Variants in CDC42BPG observed in about 807,000 individuals in gnomAD.
CDC42BPG encodes CDC42 binding protein kinase gamma, also known as serine/threonine-protein kinase MRCK gamma.
A neutral mutation model predicts 192.2 loss-of-function variants in CDC42BPG; 157 were observed. That is an observed-to-expected ratio of 0.82 (90% confidence interval 0.72 to 0.93). The LOEUF (loss-of-function observed/expected upper bound fraction) is 0.93. Among genes scored for constraint, CDC42BPG ranks in the 40% least tolerant of loss-of-function variants. The pLI is 0.00. For missense variants in CDC42BPG, 1,992 were observed against 2,122.1 expected, an observed-to-expected ratio of 0.94 and a Z score of 1.20; for synonymous variants, 981 against 918.5, an observed-to-expected ratio of 1.07 and a Z score of -1.23.
Position 64,832,623 on chromosome 11 carries a change from G to A in CDC42BPG, c.2986C>T (p.Leu996=). 6.2e-7 allele frequency: 1 copy of A among 1,613,920 alleles called. No individual in the cohort carries two copies. Among genetic ancestry groups the A allele is most frequent in the Non-Finnish European group, 8.5e-7 (1 of 1,180,010 alleles). ...ACCTACCTCAGATCTAGGACCTGCA[G>A]GAGGGCCCCACTGGGCGGGCTGAGC... ...LRLSPPSGAL[L]QVLDLRDPQF... is the part of the protein sequence containing the mutation. The change falls in exon 26 of 37, where the codon CTG becomes TTG. Residue 996 remains leucine (L), a synonymous_variant. Coordinates refer to ENST00000342711, the MANE Select transcript of CDC42BPG (RefSeq NM_017525.3).
At chr11:64,836,570 C>G in intron 11 of CDC42BPG, 40 bp from the exon 12 acceptor site, 1 of 1,565,294 alleles carries the variant, frequency 6.4e-7, no homozygotes, top group Non-Finnish European at 8.8e-7. Context: ...TGCTGGCGGC[C>G]CCAGCCTCTC....
Position 64,844,594 on chromosome 11 carries a change from C to A in CDC42BPG, c.-25G>T. 1 of 1,247,936 alleles carries A rather than the reference C, an allele frequency of 8.0e-7. No individual in the cohort carries two copies. The highest frequency in any genetic ancestry group is 3.1e-5 in the South Asian group (1 of 32,390). The allele number at this position is 1,247,936 out of a possible 1,614,324, so 77.3% of individuals were successfully genotyped here. A position where few individuals can be genotyped will look rare whatever the true frequency, so the allele number is the denominator to read the frequency against. ...TGGCTGCGGCCGGAGCCTCGCTGCT[C>A]GGCTACAGTCTGGCCGCCCGCATGC... On this transcript the variant is annotated 5_prime_UTR_variant, in exon 1 of 37. Coordinates refer to ENST00000342711, the MANE Select transcript of CDC42BPG (RefSeq NM_017525.3).
intron 28 of CDC42BPG, 48 bp from the exon 29 acceptor site, chr11:64,830,304 A>AGTGG: frequency 6.7e-7 from 1 of 1,487,212 alleles, no homozygotes; most frequent in Non-Finnish European, 9.2e-7. Flanking sequence ...CCACTCAATG[A>AGTGG]CACGGAGATT....
At chr11:64,826,635 G>A (rs1277043746) in intron 35 of CDC42BPG, 36 bp downstream of exon 35, 1 of 1,587,250 alleles carries the variant, frequency 6.3e-7, no homozygotes, top group South Asian at 1.1e-5. Context: ...CTTGGGGTGG[G>A]GGGTGGCACA....
In CDC42BPG at chr11:64,844,442, C is replaced by A; in HGVS notation, c.128G>T (p.Arg43Leu). The A allele has an allele frequency of 1.4e-6, 2 of 1,470,870 alleles. No homozygotes were observed. Among genetic ancestry groups the A allele is most frequent in the Admixed American group, 2.3e-5 (1 of 43,616 alleles). The allele number at this position is 1,470,870 out of a possible 1,614,324, so 91.1% of individuals were successfully genotyped here. Residue 43 changes from arginine (R) to leucine (L), a missense_variant, in exon 1 of 37, where the codon CGG becomes CTG. Around this residue, in one of 2 missense-constraint regions of CDC42BPG, gnomAD observed 1,656 missense variants for 1,844.3 expected, o/e 0.90. Coordinates refer to ENST00000342711, the MANE Select transcript of CDC42BPG (RefSeq NM_017525.3). ...HHELSSGPLR[R>L]ERSVAQFLSW... ...CAGGAACTGCGCCACGCTGCGCTCC[C>A]GCCGTAGGGGGCCGCTGCTGAGCTC... is the stretch of plus-strand genomic sequence containing the variant.
chr11:64,825,882 A>G (rs942215356), intron 36 of CDC42BPG, among the ~76,000 whole-genome samples: 3 of 152,114 alleles, frequency 2.0e-5, no homozygotes, highest in Non-Finnish European at 4.4e-5. Context: ...CCTGGCCAAC[A>G]TAATGAAACC....
intron 24 of CDC42BPG, 63 bp from the exon 25 acceptor site, chr11:64,833,022 C>T (rs903950839): frequency 3.6e-5 from 53 of 1,479,016 alleles, no homozygotes; most frequent in East Asian, 2.0e-4. Flanking sequence ...CAAACCAGGA[C>T]GGGGGCATGT....
intron 17 of CDC42BPG, 30 bp downstream of exon 17, chr11:64,835,017 T>TTGGCCCCCCCCCC: frequency 2.5e-6 from 4 of 1,571,942 alleles, no homozygotes; most frequent in African/African-American, 1.3e-5. Flanking sequence ...TCGCCTGCGT[T>TTGGCCCCCCCCCC]CCCCACCCCG....
chr11:64,823,125 C>T lies in CDC42BPG; in HGVS notation c.*1348G>A, dbSNP rs1301116435. On this transcript the variant is annotated 3_prime_UTR_variant, in exon 37 of 37. Transcript: ENST00000342711. ...TTTTTGAGACGGAGTCTCACTCTGT[C>T]ACCCAGGCTGGAGTGCAGTGGCGCG... 1.4e-5 allele frequency among the ~76,000 whole-genome samples: 2 copies of T among 145,326 alleles called. No homozygotes were observed. The highest frequency in any genetic ancestry group is 3.0e-5 in the Non-Finnish European group (2 of 66,610).
intron 27 of CDC42BPG, among the ~76,000 whole-genome samples, chr11:64,832,206 G>A (rs1454489238): frequency 2.0e-5 from 3 of 152,234 alleles, no homozygotes; most frequent in Non-Finnish European, 4.4e-5. Flanking sequence ...TCAGAGCCTT[G>A]GGGCCTCAAG....
Position 64,843,129 on chromosome 11 carries a change from T to A in CDC42BPG, c.161-1225A>T, listed in dbSNP as rs1943354539. ...GATCCAGGCCCCTGGACAGGCTGCC[T>A]AATCCTCTGGCCTCCCACAGGGCAT... On this transcript the variant is annotated intron_variant, in intron 1 of 36. Coordinates refer to ENST00000342711, the MANE Select transcript of CDC42BPG (RefSeq NM_017525.3). 3.3e-5 allele frequency among the ~76,000 whole-genome samples: 5 copies of A among 152,012 alleles called. 1 individual carries two copies. In the South Asian group the frequency reaches 1.0e-3, roughly 32 times the overall value.
intron 30 of CDC42BPG, among the ~76,000 whole-genome samples, chr11:64,828,253 T>C (rs910925468): frequency 7.0e-6 from 1 of 143,282 alleles, no homozygotes; most frequent in African/African-American, 2.6e-5. Context: ...TAGTTACTTG[T>C]GCATGCACCA....
chr11:64,831,719 C>A lies in CDC42BPG; in HGVS notation c.3090G>T (p.Val1030=). 1 of 1,589,776 alleles carries A rather than the reference C, an allele frequency of 6.3e-7. No individual in the cohort carries two copies. Among genetic ancestry groups the A allele is most frequent in the East Asian group, 2.3e-5 (1 of 44,040 alleles). Residue 1030 remains valine, a splice_region_variant and synonymous_variant, in exon 28 of 37, where the codon GTG becomes GTT. Transcript: ENST00000342711. Reference sequence around the variant, plus strand: ...GCGGCACTGCCAGCTGGGAGGTTGTCACCTGTGGGCAAGGACCCCAGCTGG... The same window carrying A: ...GCGGCACTGCCAGCTGGGAGGTTGTAACCTGTGGGCAAGGACCCCAGCTGG... ...QSRDLPRIFR[V]TTSQLAVPPT...
chr11:64,841,303 A>G (rs1451421443), intron 3 of CDC42BPG, among the ~76,000 whole-genome samples: 2 of 140,248 alleles, frequency 1.4e-5, no homozygotes, highest in Non-Finnish European at 3.1e-5. Context: ...AAATACAAAA[A>G]TTAGCTGGGT....
chr11:64,839,205 G>C lies in CDC42BPG; in HGVS notation c.704C>G (p.Pro235Arg). ...MVDSSVAVGT[P>R]DYISPEILQA... ...CAGGATCTCAGGGGAGATATAGTCC[G>C]GCGTCCCTACTGCCACTGATGAATC... Residue 235 changes from proline to arginine, a missense_variant, in exon 7 of 37, where the codon CCG becomes CGG. Coordinates refer to ENST00000342711, the MANE Select transcript of CDC42BPG (RefSeq NM_017525.3). 2 of 1,613,226 alleles carry C rather than the reference G, an allele frequency of 1.2e-6. No individual in the cohort carries two copies. The highest frequency in any genetic ancestry group is 4.5e-5 in the East Asian group (2 of 44,884).
intron 28 of CDC42BPG, chr11:64,830,513 A>C: frequency 1.7e-6 from 1 of 574,164 alleles, no homozygotes; most frequent in East Asian, 2.9e-5. Flanking sequence ...TTCCTTATGT[A>C]AACTGGGGAC....
chr11:64,826,543 G>T lies in CDC42BPG; in HGVS notation c.4526C>A (p.Pro1509His). 1 of 1,601,984 alleles carries T rather than the reference G, an allele frequency of 6.2e-7. No individual in the cohort carries two copies. The highest frequency in any genetic ancestry group is 8.5e-7 in the Non-Finnish European group (1 of 1,174,906). ...AGACTCGCTGGACAGGGATGTCCAGGGTTTCCTCTTCACTGCTCCAGCAGC... is the reference window on the plus strand; with the variant it reads ...AGACTCGCTGGACAGGGATGTCCAGTGTTTCCTCTTCACTGCTCCAGCAGC... ...GGDADPMKRK[P>H]WTSLSSESVS... The change falls in exon 36 of 37, where the codon CCC becomes CAC. Residue 1509 changes from proline (P) to histidine (H), a missense_variant. Physicochemically the swap from Pro to His is moderately conservative, Grantham distance 77 (BLOSUM62 -2). Coordinates refer to ENST00000342711, the MANE Select transcript of CDC42BPG (RefSeq NM_017525.3).
intron 4 of CDC42BPG, 125 bp from the exon 5 acceptor site, chr11:64,840,393 G>T: frequency 1.4e-6 from 2 of 1,445,040 alleles, no homozygotes; most frequent in Non-Finnish European, 1.9e-6. Context: ...CCAGTTCCCA[G>T]CCAGGGCTCA....
At chr11:64,836,713 G>GGGC in intron 11 of CDC42BPG, 26 bp downstream of exon 11, 2 of 856,512 alleles carry the variant, frequency 2.3e-6, no homozygotes, top group Non-Finnish European at 3.4e-6. Flanking sequence ...CCCTGGGGGG[G>GGGC]GGGGGGGGGT....
Sources: gnomAD v4.1 joint callset for allele counts (sites outside exome capture counted in the v4.1 genomes callset) on GRCh38, gnomAD v4.1.1 for gene constraint, gnomAD v4.1.1 regional missense constraint, MANE v1.5 for transcripts, NCBI Gene and HGNC (gene_info 2026-07-23, HGNC 2026-07-21) for gene names.